The following PRDM10 variants were observed in gnomAD, a reference collection of about 807,000 sequenced individuals.
PRDM10 encodes the protein PR domain zinc finger protein 10.
In PRDM10, 65 loss-of-function variants were observed where a neutral mutation model predicts 133.1. The observed-to-expected ratio is 0.49, with a 90% CI of 0.40 to 0.60. The LOEUF (loss-of-function observed/expected upper bound fraction) is 0.60. Among genes scored for constraint, PRDM10 ranks in the 20% least tolerant of loss-of-function variants. PRDM10 has a pLI of 0.00. For missense variants in PRDM10, 1,137 were observed against 1,507.1 expected (o/e 0.75, Z 4.07); for synonymous variants, 582 against 580.4 (o/e 1.00, Z -0.04).
chr11:129,981,016 C>T (rs1006435514), intron 1 of PRDM10, among the ~76,000 whole-genome samples: 2 of 151,902 alleles, frequency 1.3e-5, no homozygotes, highest in African/African-American at 4.8e-5. Context: ...GGATTACAGG[C>T]ACGCACCACT....
At chr11:129,965,783 T>C (rs1159700252) in intron 1 of PRDM10, among the ~76,000 whole-genome samples, 1 of 152,154 alleles carries the variant, frequency 6.6e-6, no homozygotes, top group Non-Finnish European at 1.5e-5. Flanking sequence ...CCCTGGCTTC[T>C]TGCAGCTTCT....
Position 129,980,861 on chromosome 11 carries a change from GTTTTTTTTTTTT to G in PRDM10, c.-118-19791_-118-19780del, listed in dbSNP as rs60735364. On this transcript the variant is annotated intron_variant, in intron 1 of 20. Transcript: ENST00000360871. ...ATAGCTAAAGGGTATGACATTTCTGGTTTTTTTTTTTTTTTTTTTTTTTTTTTGAGACAGAGT... is the reference window on the plus strand; with the variant it reads ...ATAGCTAAAGGGTATGACATTTCTGGTTTTTTTTTTTTTTTGAGACAGAGT... Among the ~76,000 whole-genome samples, 576 of 102,160 alleles carry G rather than the reference GTTTTTTTTTTTT, an allele frequency of 5.6e-3. 6 individuals carry two copies. The highest frequency in any genetic ancestry group is 0.022 in the African/African-American group (533 of 24,250). 67.0% of individuals were successfully genotyped at this position (102,160 alleles called of 152,430 possible).
rs148854421 is a variant in PRDM10, at chr11:129,915,688, G to A, written c.2498C>T (p.Pro833Leu). ...GTIATPPVCC[P>L]HCSKQYSSKT... ...GCTGCTGTACTGCTTGGAGCAGTGGGGACAGCAGACGGGAGGGGTGGCGAT... is the reference window on the plus strand; with the variant it reads ...GCTGCTGTACTGCTTGGAGCAGTGGAGACAGCAGACGGGAGGGGTGGCGAT... Residue 833 changes from proline (P) to leucine (L), a missense_variant, in exon 16 of 21, where the codon CCC becomes CTC. Pro to Leu is a moderately conservative substitution (Grantham distance 98). Transcript: ENST00000360871. The A allele has an allele frequency of 5.3e-5, 86 of 1,613,118 alleles. No individual in the cohort carries two copies. In the African/African-American group the frequency reaches 1.1e-3, roughly 20 times the overall value.
At chr11:129,946,612 T>G (rs1431377820) in intron 5 of PRDM10, among the ~76,000 whole-genome samples, 2 of 152,136 alleles carry the variant, frequency 1.3e-5, no homozygotes, top group African/African-American at 4.8e-5. Context: ...CTGCCTGAAC[T>G]GGAGTCCTGA....
Position 129,942,473 on chromosome 11 carries a change from C to T in PRDM10, c.919G>A (p.Val307Met). The T allele has an allele frequency of 6.2e-6, 10 of 1,614,096 alleles. No homozygotes were observed. Among genetic ancestry groups the T allele is most frequent in the Non-Finnish European group, 7.6e-6 (9 of 1,180,030 alleles). The change falls in exon 7 of 21, where the codon GTG (valine) becomes ATG (methionine). Residue 307 changes from valine (V) to methionine (M), a missense_variant. This residue lies in a region of PRDM10 where 635 missense variants were observed against 835.2 expected (regional missense o/e 0.76). Coordinates refer to ENST00000360871, the MANE Select transcript of PRDM10 (RefSeq NM_199437.2). Reference sequence around the variant, plus strand: ...ACATTTTTTATGGTTGTATAATACACATGGTGGCCATACTGGTAAGCCACC... The same window carrying T: ...ACATTTTTTATGGTTGTATAATACATATGGTGGCCATACTGGTAAGCCACC... ...NLVAYQYGHH[V>M]YYTTIKNVEP... is the part of the protein sequence containing the mutation.
chr11:129,944,687 G>A (rs755409135), intron 6 of PRDM10, 84 bp downstream of exon 6: 5 of 1,524,728 alleles, frequency 3.3e-6, no homozygotes, highest in Non-Finnish European at 4.4e-6. Context: ...CTAAGAAACA[G>A]GAATAAGAGA....
In PRDM10 at chr11:129,914,731, T is replaced by C; in HGVS notation, c.2814A>G (p.Ile938Met). ...SASGLQQPQH[I>M]QLQVVQVASA... is the part of the protein sequence containing the mutation. ...AGGCCACTTGAACCACTTGCAGCTG[T>C]ATGTGCTGAGGCTGCTGGAGGCCAG... The change falls in exon 17 of 21, where the codon ATA becomes ATG. Residue 938 changes from isoleucine to methionine, a missense_variant. Physicochemically the swap from Ile to Met is conservative, Grantham distance 10 (BLOSUM62 1). Coordinates refer to ENST00000360871, the MANE Select transcript of PRDM10 (RefSeq NM_199437.2). 6.2e-7 allele frequency: 1 copy of C among 1,614,198 alleles called. No homozygotes were observed. The highest frequency in any genetic ancestry group is 8.5e-7 in the Non-Finnish European group (1 of 1,180,028).
chr11:130,000,354 T>C (rs965154450), intron 1 of PRDM10, among the ~76,000 whole-genome samples: 9 of 152,150 alleles, frequency 5.9e-5, no homozygotes, highest in African/African-American at 1.7e-4. Flanking sequence ...AAATTTTATG[T>C]TTTCTCCAAT....
intron 1 of PRDM10, among the ~76,000 whole-genome samples, chr11:129,986,577 C>T (rs1034934753): frequency 2.0e-5 from 3 of 152,056 alleles, no homozygotes; most frequent in African/African-American, 7.2e-5. Flanking sequence ...TTAGTAGAAA[C>T]GGGATTTTGC....
At chr11:129,937,791 G>GA (rs1035645432) in intron 7 of PRDM10, 121 bp from the exon 8 acceptor site, 21 of 791,372 alleles carry the variant, frequency 2.7e-5, no homozygotes, top group Middle Eastern at 2.4e-4. Flanking sequence ...ATTAACAATG[G>GA]AAAAAAAGAT....
intron 1 of PRDM10, among the ~76,000 whole-genome samples, chr11:129,998,924 G>T (rs1178403895): frequency 6.6e-6 from 1 of 151,792 alleles, no homozygotes; most frequent in Non-Finnish European, 1.5e-5. Flanking sequence ...CGGGGCTCAG[G>T]TGATTCTCCC....
chr11:129,911,630 A>C (rs571746601), intron 18 of PRDM10, among the ~76,000 whole-genome samples: 1 of 152,330 alleles, frequency 6.6e-6, no homozygotes, highest in South Asian at 2.1e-4. Context: ...CCCCTCCTTC[A>C]AGACCTCAAA....
Position 129,906,847 on chromosome 11 carries a change from G to A in PRDM10, c.3164-1106C>T, listed in dbSNP as rs148838504. Among the ~76,000 whole-genome samples, 1,000 of 152,108 alleles carry A rather than the reference G, an allele frequency of 6.6e-3. 14 individuals are homozygous for A. The highest frequency in any genetic ancestry group is 0.022 in the African/African-American group (932 of 41,482). Reference sequence around the variant, plus strand: ...ACAAAAATTAGCCAGGCATGGTGGCGGGTGCCTGTAGTCCCAGCTACTCAG... The same window carrying A: ...ACAAAAATTAGCCAGGCATGGTGGCAGGTGCCTGTAGTCCCAGCTACTCAG... On this transcript the variant is annotated intron_variant, in intron 19 of 20. Transcript: ENST00000360871.
chr11:129,906,173 A>G (rs1322967450), intron 19 of PRDM10, among the ~76,000 whole-genome samples: 1 of 152,244 alleles, frequency 6.6e-6, no homozygotes, highest in East Asian at 1.9e-4. Flanking sequence ...AATTAAAAAT[A>G]AAGCCCACCC....
rs752624430 is a variant in PRDM10 at position 129,902,287 on chromosome 11, G to A, written c.*26C>T. 1 of 1,610,322 alleles carries A rather than the reference G, an allele frequency of 6.2e-7. No individual in the cohort carries two copies. The highest frequency in any genetic ancestry group is 8.5e-7 in the Non-Finnish European group (1 of 1,177,306). On this transcript the variant is annotated 3_prime_UTR_variant, in exon 21 of 21. Coordinates refer to ENST00000360871, the MANE Select transcript of PRDM10 (RefSeq NM_199437.2). Reference sequence around the variant, plus strand: ...TTATGAGAACAGACATGAGGTGGGTGCTGGATTCAAGCTCCAGGGTGGAAG... The same window carrying A: ...TTATGAGAACAGACATGAGGTGGGTACTGGATTCAAGCTCCAGGGTGGAAG...
At chr11:129,926,064 G>A (rs1371066701) in intron 11 of PRDM10, among the ~76,000 whole-genome samples, 1 of 152,214 alleles carries the variant, frequency 6.6e-6, no homozygotes, top group African/African-American at 2.4e-5. Flanking sequence ...CTACTGGTTA[G>A]AATGCCATGC....
Position 129,947,016 on chromosome 11 carries a change from A to C in PRDM10, c.520+129T>G. 1 of 1,280,572 alleles carries C rather than the reference A, an allele frequency of 7.8e-7. No individual in the cohort carries two copies. Among genetic ancestry groups the C allele is most frequent in the East Asian group, 2.3e-5 (1 of 42,558 alleles). The allele number at this position is 1,280,572 out of a possible 1,614,324, so 79.3% of individuals were successfully genotyped here. On this transcript the variant is annotated intron_variant, in intron 5 of 20. Transcript: ENST00000360871. The surrounding 1 kb of genome is among the most constrained non-coding windows in gnomAD (Gnocchi z 4.6). The stretch of plus-strand genomic sequence containing the variant: ...AGGCCAGGTGGGATGAAGCAAGCAG[A>C]GAATGTAGCACAGTTGGCTGCACAC...
At chr11:129,994,401 G>A (rs1306107581) in intron 1 of PRDM10, among the ~76,000 whole-genome samples, 2 of 151,070 alleles carry the variant, frequency 1.3e-5, no homozygotes, top group Non-Finnish European at 2.9e-5. Context: ...AGAAGGCAGA[G>A]GTTGCAGTGA....
At position 129,918,512 on chromosome 11, in the gene PRDM10, A is replaced by G. The variant is rs754104157; in HGVS notation, c.2214+27T>C. 1.0e-5 allele frequency: 16 copies of G among 1,605,070 alleles called. No homozygotes were observed. The East Asian group carries it at 3.6e-4, about 36-fold the overall frequency. On this transcript the variant is annotated intron_variant, in intron 14 of 20. Coordinates refer to ENST00000360871, the MANE Select transcript of PRDM10 (RefSeq NM_199437.2). This position sits in a 1 kb window ranked among gnomAD's most constrained non-coding sequence, Gnocchi z 5.3. ...GCAATGAGGTATGCTGGGAAGACAG[A>G]GGAACCCGCAGCCACTGGGCACTGA...
Sources: gnomAD v4.1 joint callset for allele counts (sites outside exome capture counted in the v4.1 genomes callset) on GRCh38, gnomAD v4.1.1 for gene constraint, gnomAD v4.1.1 regional missense constraint, Gnocchi (gnomAD v3.1) non-coding constraint, MANE v1.5 for transcripts, NCBI Gene and HGNC (gene_info 2026-07-23, HGNC 2026-07-21) for gene names.